The following UTRN variants were observed in gnomAD, a reference collection of about 807,000 sequenced individuals.
The protein encoded by UTRN is dystrophin-related protein 1.
UTRN carries 283 observed loss-of-function variants against 463.9 expected under a neutral mutation model. The observed-to-expected ratio is 0.61, with a 90% CI of 0.55 to 0.67. UTRN has a LOEUF of 0.67. Ranked by LOEUF, UTRN falls within the 30% of genes least tolerant of loss-of-function variation. The probability of loss-of-function intolerance (pLI) is 0.00; values close to 1 mark genes in which losing one functional copy is unlikely to be tolerated. For missense variants in UTRN, 3,922 were observed against 4,084.3 expected (o/e 0.96, Z 1.08); for synonymous variants, 1,442 against 1,431.5 (o/e 1.01, Z -0.17).
At chr6:144,333,081 C>T (rs545207676) in intron 2 of UTRN, 1 of 152,000 alleles carries the variant, frequency 6.6e-6, no homozygotes, top group African/African-American at 2.4e-5. Flanking sequence ...ATTACAGGCT[C>T]CCACCACCAC....
At chr6:144,345,020 G>A (rs561706979) in intron 2 of UTRN, among the ~76,000 whole-genome samples, 43 of 152,320 alleles carry the variant, frequency 2.8e-4, no homozygotes, top group Non-Finnish European at 5.4e-4. Flanking sequence ...AAAACCCCAA[G>A]TGATGTGTTT....
chr6:144,757,867 G>T (rs1416593649), intron 57 of UTRN, 62 bp from the exon 58 acceptor site: 3 of 1,461,966 alleles, frequency 2.1e-6, no homozygotes, highest in African/African-American at 2.8e-5. Context: ...CAGTTGTTTT[G>T]CATTAAGGTG....
At chr6:144,514,389 A>C (rs1269048831) in intron 36 of UTRN, among the ~76,000 whole-genome samples, 1 of 152,138 alleles carries the variant, frequency 6.6e-6, no homozygotes, top group Non-Finnish European at 1.5e-5. Context: ...AGTCTGTCTT[A>C]CTTCTGTACT....
At position 144,322,010 on chromosome 6, in the gene UTRN, C is replaced by A. The variant is rs529153626; in HGVS notation, c.79+30103C>A. On this transcript the variant is annotated intron_variant, in intron 2 of 74. Transcript: ENST00000367545. Reference sequence around the variant, plus strand: ...AACTTCTGACTTCAAGCGATCCACCCGCCTCGGCCTCCCACAGTCCTGGGA... The same window carrying A: ...AACTTCTGACTTCAAGCGATCCACCAGCCTCGGCCTCCCACAGTCCTGGGA... Among the ~76,000 whole-genome samples, 5 of 152,142 alleles carry A rather than the reference C, an allele frequency of 3.3e-5. No individual in the cohort carries two copies. The East Asian group carries it at 9.7e-4, about 29-fold the overall frequency.
intron 2 of UTRN, among the ~76,000 whole-genome samples, chr6:144,306,322 C>T (rs1418775482): frequency 6.6e-6 from 1 of 152,070 alleles, no homozygotes; most frequent in Non-Finnish European, 1.5e-5. Flanking sequence ...GCCTGGGGTT[C>T]TGGAGGACCT....
chr6:144,789,126 C>G, intron 61 of UTRN, 68 bp from the exon 62 acceptor site: 1 of 1,251,716 alleles, frequency 8.0e-7, no homozygotes, highest in Non-Finnish European at 1.1e-6. Context: ...AATAGATATT[C>G]AGAAACAATG....
intron 23 of UTRN, among the ~76,000 whole-genome samples, chr6:144,464,477 G>C (rs3923155): frequency 1.3e-5 from 2 of 151,836 alleles, no homozygotes; most frequent in African/African-American, 4.8e-5. Context: ...AATGTGTTTT[G>C]TGTGGCTTAG....
chr6:144,526,069 C>T (rs1796545134), intron 41 of UTRN, among the ~76,000 whole-genome samples: 1 of 152,026 alleles, frequency 6.6e-6, no homozygotes, highest in South Asian at 2.1e-4. Context: ...TTTTAGTTTT[C>T]TTAAATTTGT....
At chr6:144,560,375 C>G (rs1167745990) in intron 50 of UTRN, among the ~76,000 whole-genome samples, 1 of 152,022 alleles carries the variant, frequency 6.6e-6, no homozygotes, top group Non-Finnish European at 1.5e-5. Flanking sequence ...TGATTCTTAT[C>G]TGTGTTGAGT....
chr6:144,342,599 T>A (rs1292723572), intron 2 of UTRN, among the ~76,000 whole-genome samples: 3 of 152,150 alleles, frequency 2.0e-5, no homozygotes, highest in Non-Finnish European at 4.4e-5. Flanking sequence ...AGCATTATGC[T>A]AAGTGAAATA....
chr6:144,696,379 C>T (rs1784009054), intron 52 of UTRN, among the ~76,000 whole-genome samples: 1 of 152,108 alleles, frequency 6.6e-6, no homozygotes, highest in South Asian at 2.1e-4. Flanking sequence ...GTGACCAGTG[C>T]AACTGATAAT....
At chr6:144,565,809 T>C (rs1267536813) in intron 50 of UTRN, among the ~76,000 whole-genome samples, 4 of 151,884 alleles carry the variant, frequency 2.6e-5, no homozygotes, top group Non-Finnish European at 4.4e-5. Context: ...GAGATGAAGG[T>C]GAAGAAGTAG....
At chr6:144,472,198 C>T (rs7759426) in intron 23 of UTRN, among the ~76,000 whole-genome samples, 4,491 of 152,158 alleles carry the variant, frequency 0.03, 222 homozygotes, top group African/African-American at 0.1. Context: ...GATAAATAAC[C>T]GACTAGAGAT....
intron 2 of UTRN, among the ~76,000 whole-genome samples, chr6:144,339,469 G>A (rs1242281313): frequency 6.6e-6 from 1 of 152,004 alleles, no homozygotes; most frequent in African/African-American, 2.4e-5. Flanking sequence ...TGAATTGTCT[G>A]GTTTTCATCA....
intron 58 of UTRN, among the ~76,000 whole-genome samples, chr6:144,762,985 G>T (rs1047795951): frequency 6.6e-6 from 1 of 152,162 alleles, no homozygotes. Flanking sequence ...TGACTATTCT[G>T]TTCTTGTGAC....
chr6:144,655,292 C>T (rs771197849), intron 51 of UTRN, among the ~76,000 whole-genome samples: 4 of 152,136 alleles, frequency 2.6e-5, no homozygotes, highest in Middle Eastern at 3.2e-3. Context: ...ACTTGAAAGT[C>T]GAAATGTATG....
chr6:144,756,829 C>T (rs9791320), intron 57 of UTRN, among the ~76,000 whole-genome samples: 40,957 of 151,846 alleles, frequency 0.27, 6,756 homozygotes, highest in East Asian at 0.74. Context: ...CATCTGAGCT[C>T]GACCGTTTAT....
At chr6:144,507,783 T>C (rs60934119) in intron 34 of UTRN, among the ~76,000 whole-genome samples, 4,464 of 152,248 alleles carry the variant, frequency 0.029, 219 homozygotes, top group African/African-American at 0.1. Flanking sequence ...TTAGCAGAGT[T>C]CGAGCTCTGT....
rs75504949 is a variant in UTRN at position 144,835,822 on chromosome 6, C to T, written c.9708C>T (p.Leu3236=). 559 of 1,614,072 alleles carry T rather than the reference C, an allele frequency of 3.5e-4. 1 individual carries two copies. In the African/African-American group the frequency reaches 6.5e-3, roughly 19 times the overall value. Residue 3236 remains leucine, a synonymous_variant, in exon 70 of 75, where the codon CTC becomes CTT. Transcript: ENST00000367545. ...HALIQQYCQT[L]GGESPVSQPQ... is the part of the protein sequence containing the mutation. ...TCATCCAGCAGTATTGCCAAACACT[C>T]GGAGGAGAGTCCCCAGTGAGCCAGC...
Sources: gnomAD v4.1 joint callset for allele counts (sites outside exome capture counted in the v4.1 genomes callset) on GRCh38, gnomAD v4.1.1 for gene constraint, MANE v1.5 for transcripts, NCBI Gene and HGNC (gene_info 2026-07-23, HGNC 2026-07-21) for gene names.